Variants in CTNNBL1 observed in about 807,000 individuals in gnomAD.
CTNNBL1 encodes catenin beta like 1.
Under a neutral mutation model 72.7 loss-of-function variants are expected in CTNNBL1, and 31 were observed. The observed-to-expected ratio is 0.43, with a 90% confidence interval of 0.32 to 0.58. The LOEUF is 0.58. Among genes scored for constraint, CTNNBL1 ranks in the 20% least tolerant of loss-of-function variants. The probability of loss-of-function intolerance (pLI) is 0.08; values close to 1 mark genes in which losing one functional copy is unlikely to be tolerated. For synonymous variants in CTNNBL1, 240 were observed against 267.3 expected (o/e 0.90, Z 1.00); for missense variants, 534 against 725.1 (o/e 0.74, Z 3.03).
intron 10 of CTNNBL1, among the ~76,000 whole-genome samples, chr20:37,799,387 A>G (rs1367706643): frequency 1.3e-5 from 2 of 152,132 alleles, no homozygotes; most frequent in East Asian, 3.9e-4. Flanking sequence ...ACCACTGGCC[A>G]TTCGGAACTA....
At chr20:37,795,677 A>G (rs754838377) in intron 10 of CTNNBL1, among the ~76,000 whole-genome samples, 14 of 152,044 alleles carry the variant, frequency 9.2e-5, no homozygotes, top group Non-Finnish European at 1.6e-4. Flanking sequence ...CTTTTCTTCT[A>G]TGTTTTTAGT....
intron 10 of CTNNBL1, among the ~76,000 whole-genome samples, chr20:37,791,289 T>C (rs1318218090): frequency 2.0e-5 from 3 of 152,246 alleles, no homozygotes; most frequent in Non-Finnish European, 4.4e-5. Context: ...GGGTCATATG[T>C]TAGGTATACA....
intron 1 of CTNNBL1, among the ~76,000 whole-genome samples, chr20:37,717,394 T>A (rs1171601906): frequency 1.3e-5 from 2 of 152,224 alleles, no homozygotes; most frequent in Non-Finnish European, 1.5e-5. Context: ...CACTCTCCTC[T>A]CTTAGAAACT....
chr20:37,827,678 A>G (rs901066300), intron 11 of CTNNBL1, among the ~76,000 whole-genome samples: 10 of 152,160 alleles, frequency 6.6e-5, no homozygotes, highest in African/African-American at 2.2e-4. Context: ...ACCCGGGTGC[A>G]GGAGATTGTG....
chr20:37,765,097 T>A, intron 5 of CTNNBL1, 100 bp from the exon 6 acceptor site: 1 of 781,212 alleles, frequency 1.3e-6, no homozygotes, highest in Non-Finnish European at 2.2e-6. Context: ...ATTTACTTAC[T>A]TTGTTCATTC....
intron 7 of CTNNBL1, 58 bp from the exon 8 acceptor site, chr20:37,777,287 C>T (rs2073583275): frequency 7.2e-7 from 1 of 1,382,316 alleles, no homozygotes; most frequent in African/African-American, 1.4e-5. Context: ...AAAAATTTGT[C>T]CTGGGGAAGG....
chr20:37,729,124 CATATTT>C (rs1280394740), intron 1 of CTNNBL1, among the ~76,000 whole-genome samples: 1 of 152,132 alleles, frequency 6.6e-6, no homozygotes, highest in African/African-American at 2.4e-5. Flanking sequence ...TCTTATATGA[CATATTT>C]ATAGGTGGAT....
intron 11 of CTNNBL1, among the ~76,000 whole-genome samples, chr20:37,832,867 A>C (rs1312264191): frequency 6.6e-6 from 1 of 151,948 alleles, no homozygotes; most frequent in Non-Finnish European, 1.5e-5. Context: ...CACACTATAA[A>C]TGGCTGGTTG....
At chr20:37,847,617 T>C (rs1337663887) in intron 13 of CTNNBL1, among the ~76,000 whole-genome samples, 1 of 152,156 alleles carries the variant, frequency 6.6e-6, no homozygotes, top group Non-Finnish European at 1.5e-5. Context: ...ATTGGCTAAG[T>C]GTATAGAGCA....
At chr20:37,786,108 G>A (rs914217999) in intron 10 of CTNNBL1, among the ~76,000 whole-genome samples, 16 of 151,392 alleles carry the variant, frequency 1.1e-4, no homozygotes, top group Non-Finnish European at 1.9e-4. Flanking sequence ...CAAACACGTG[G>A]AGTCTCTCTC....
chr20:37,794,255 T>C (rs1481866067), intron 10 of CTNNBL1, among the ~76,000 whole-genome samples: 1 of 152,232 alleles, frequency 6.6e-6, no homozygotes, highest in Non-Finnish European at 1.5e-5. Context: ...CTGGTAATGC[T>C]GGTCTACTGG....
rs571271431 is a variant in CTNNBL1, at chr20:37,786,794, T to C, written c.1031+7459T>C. Among the ~76,000 whole-genome samples, 196 of 152,290 alleles carry C rather than the reference T, an allele frequency of 1.3e-3. 1 individual carries two copies. Among genetic ancestry groups the C allele is most frequent in the African/African-American group, 4.7e-3 (194 of 41,578 alleles). On this transcript the variant is annotated intron_variant, in intron 10 of 15. Transcript: ENST00000361383. ...AACATTTCAGGTTAAAAAATCTCCT[T>C]TTAATATTGCTTAGTTTTATTCTCT... is the stretch of plus-strand genomic sequence containing the variant.
intron 2 of CTNNBL1, 126 bp downstream of exon 2, chr20:37,733,193 C>A: frequency 1.2e-6 from 1 of 801,498 alleles, no homozygotes; most frequent in Non-Finnish European, 2.0e-6. Flanking sequence ...ATTCATATTT[C>A]ATCGCGTTAA....
At chr20:37,754,078 G>A (rs2073343650) in intron 4 of CTNNBL1, among the ~76,000 whole-genome samples, 1 of 152,146 alleles carries the variant, frequency 6.6e-6, no homozygotes. Context: ...CTCTTCATCT[G>A]TTGGTCTTTC....
chr20:37,716,577 C>T (rs878964415), intron 1 of CTNNBL1, among the ~76,000 whole-genome samples: 1 of 152,082 alleles, frequency 6.6e-6, no homozygotes, highest in Non-Finnish European at 1.5e-5. Flanking sequence ...TTACTATTTC[C>T]TTTGAGTTGA....
chr20:37,768,020 A>G lies in CTNNBL1; in HGVS notation c.726A>G (p.Leu242=). The change falls in exon 7 of 16, where the codon CTA becomes CTG. Residue 242 remains leucine, a synonymous_variant. Coordinates refer to ENST00000361383, the MANE Select transcript of CTNNBL1 (RefSeq NM_030877.5). ...CAGAGGGTGCCCAGCAGGGTCTTCT[A>G]CAGTGGCTGTTGAAGAGGCTGAAGG... ...MCTEGAQQGL[L]QWLLKRLKAK... is the part of the protein sequence containing the mutation. 1 of 1,614,036 alleles carries G rather than the reference A, an allele frequency of 6.2e-7. No individual in the cohort carries two copies. Among genetic ancestry groups the G allele is most frequent in the African/African-American group, 1.3e-5 (1 of 75,024 alleles).
chr20:37,811,456 A>T (rs1477719086), intron 11 of CTNNBL1, among the ~76,000 whole-genome samples: 1 of 152,220 alleles, frequency 6.6e-6, no homozygotes, highest in African/African-American at 2.4e-5. Context: ...GCTATTTGAA[A>T]ATCTTATAAT....
intron 11 of CTNNBL1, among the ~76,000 whole-genome samples, chr20:37,822,026 C>A (rs926877926): frequency 6.6e-6 from 1 of 152,006 alleles, no homozygotes; most frequent in African/African-American, 2.4e-5. Context: ...CAGGACTGTT[C>A]AATAGACAGT....
At chr20:37,732,274 A>G (rs1384725892) in intron 1 of CTNNBL1, among the ~76,000 whole-genome samples, 1 of 152,214 alleles carries the variant, frequency 6.6e-6, no homozygotes, top group Non-Finnish European at 1.5e-5. Flanking sequence ...CTTCTGTAAA[A>G]TAGAATTGGG....
Sources: gnomAD v4.1 joint callset for allele counts (sites outside exome capture counted in the v4.1 genomes callset) on GRCh38, gnomAD v4.1.1 for gene constraint, MANE v1.5 for transcripts, NCBI Gene and HGNC (gene_info 2026-07-23, HGNC 2026-07-21) for gene names.